The following PTPRT variants were observed in gnomAD, a reference collection of about 807,000 sequenced individuals.
The protein encoded by PTPRT is receptor-type tyrosine-protein phosphatase T.
PTPRT carries 56 observed loss-of-function variants against 176.8 expected under a neutral mutation model. The observed-to-expected ratio is 0.32, with a 90% CI of 0.26 to 0.40. The LOEUF (loss-of-function observed/expected upper bound fraction) is 0.40. PTPRT is among the 10% of genes least tolerant of loss of function. The pLI is 1.00. For missense variants in PTPRT, 1,540 were observed against 1,908.2 expected, an observed-to-expected ratio of 0.81 and a Z score of 3.60; for synonymous variants, 783 against 739.0, an observed-to-expected ratio of 1.06 and a Z score of -0.96.
intron 15 of PTPRT, among the ~76,000 whole-genome samples, chr20:42,200,077 C>T (rs1159864409): frequency 6.6e-6 from 1 of 151,912 alleles, no homozygotes; most frequent in African/African-American, 2.4e-5. Context: ...CACACACACA[C>T]ACACAGAGGC....
At chr20:42,436,141 C>T (rs2059260240) in intron 9 of PTPRT, among the ~76,000 whole-genome samples, 1 of 152,118 alleles carries the variant, frequency 6.6e-6, no homozygotes. Context: ...CAAAACTATG[C>T]AACTTTTAGC....
At chr20:42,990,043 C>CA (rs1037698058) in intron 1 of PTPRT, among the ~76,000 whole-genome samples, 2 of 151,998 alleles carry the variant, frequency 1.3e-5, no homozygotes, top group Non-Finnish European at 2.9e-5. Flanking sequence ...TAGAAACAAA[C>CA]AAAAAAATGT....
At chr20:42,470,041 A>G (rs915470290) in intron 8 of PTPRT, among the ~76,000 whole-genome samples, 1 of 152,192 alleles carries the variant, frequency 6.6e-6, no homozygotes, top group African/African-American at 2.4e-5. Context: ...AAAATGAAAA[A>G]AAGAAAACAT....
At chr20:42,170,795 C>T (rs768787706) in intron 16 of PTPRT, among the ~76,000 whole-genome samples, 2 of 152,156 alleles carry the variant, frequency 1.3e-5, no homozygotes, top group Non-Finnish European at 2.9e-5. Context: ...AACAGAAGCA[C>T]ATTATGTGTC....
At chr20:42,251,722 AAC>A (rs1229757056) in intron 13 of PTPRT, among the ~76,000 whole-genome samples, 4 of 151,074 alleles carry the variant, frequency 2.6e-5, no homozygotes, top group Non-Finnish European at 1.5e-5. Flanking sequence ...GTACTTAAAA[AAC>A]AAAAAAAAGA....
intron 17 of PTPRT, among the ~76,000 whole-genome samples, chr20:42,155,238 G>T (rs56994977): frequency 0.14 from 21,058 of 152,200 alleles, 3,760 homozygotes; most frequent in African/African-American, 0.42. Context: ...ACTCTAATGC[G>T]CAACCCAAAT....
chr20:42,279,683 G>A (rs568943483), intron 13 of PTPRT, among the ~76,000 whole-genome samples: 10 of 152,326 alleles, frequency 6.6e-5, no homozygotes, highest in African/African-American at 2.4e-4. Flanking sequence ...GAAAGGGTTG[G>A]AGACACATGC....
At chr20:42,319,331 A>ATT (rs928357412) in intron 11 of PTPRT, among the ~76,000 whole-genome samples, 2 of 145,556 alleles carry the variant, frequency 1.4e-5, no homozygotes, top group African/African-American at 2.6e-5. Flanking sequence ...GCTTCCAAGC[A>ATT]TTTTTTTTTA....
intron 6 of PTPRT, among the ~76,000 whole-genome samples, chr20:42,686,573 T>C (rs888954833): frequency 1.4e-5 from 2 of 140,294 alleles, no homozygotes; most frequent in African/African-American, 5.2e-5. Flanking sequence ...AGCCTCCGCC[T>C]CCCGGGTTCA....
chr20:42,724,572 A>G (rs2076350184), intron 6 of PTPRT, among the ~76,000 whole-genome samples: 1 of 152,112 alleles, frequency 6.6e-6, no homozygotes, highest in Non-Finnish European at 1.5e-5. Context: ...GCTCCCTGCT[A>G]TTGTTTGTCC....
intron 7 of PTPRT, among the ~76,000 whole-genome samples, chr20:42,651,547 T>A (rs1056536582): frequency 1.3e-5 from 2 of 152,198 alleles, no homozygotes; most frequent in Non-Finnish European, 2.9e-5. Flanking sequence ...GGAATCCACT[T>A]GCTGTGATTA....
intron 1 of PTPRT, among the ~76,000 whole-genome samples, chr20:43,174,693 C>A (rs766709014): frequency 2.0e-5 from 3 of 152,162 alleles, no homozygotes; most frequent in Non-Finnish European, 4.4e-5. Flanking sequence ...AAAATCCCTG[C>A]TGTCATATTC....
chr20:42,512,460 T>C (rs1459052813), intron 7 of PTPRT, among the ~76,000 whole-genome samples: 1 of 152,216 alleles, frequency 6.6e-6, no homozygotes, highest in Non-Finnish European at 1.5e-5. Flanking sequence ...TGTGTATTAA[T>C]AGCTTGTCCC....
At chr20:42,437,969 A>C (rs2059277423) in intron 9 of PTPRT, among the ~76,000 whole-genome samples, 1 of 152,228 alleles carries the variant, frequency 6.6e-6, no homozygotes, top group South Asian at 2.1e-4. Context: ...CGAGATGAAA[A>C]GAGAACAACT....
At chr20:43,053,450 CCATCCACCAT>C (rs902690797) in intron 1 of PTPRT, among the ~76,000 whole-genome samples, 2 of 152,172 alleles carry the variant, frequency 1.3e-5, no homozygotes, top group African/African-American at 4.8e-5. Context: ...AGTGGCAGCT[CCATCCACCAT>C]CATCCACTGA....
chr20:42,885,706 C>A, intron 2 of PTPRT, 101 bp downstream of exon 2: 1 of 1,438,596 alleles, frequency 7.0e-7, no homozygotes, highest in Non-Finnish European at 9.4e-7. Context: ...CTATCGATTG[C>A]CATCTCAGAG....
intron 7 of PTPRT, among the ~76,000 whole-genome samples, chr20:42,480,939 C>A (rs1388296450): frequency 6.6e-6 from 1 of 152,080 alleles, no homozygotes; most frequent in Non-Finnish European, 1.5e-5. Context: ...TTCATAAAGT[C>A]CCAGCAATAG....
At chr20:42,484,392 A>G (rs1331671248) in intron 7 of PTPRT, among the ~76,000 whole-genome samples, 1 of 152,222 alleles carries the variant, frequency 6.6e-6, no homozygotes, top group Non-Finnish European at 1.5e-5. Flanking sequence ...AAAAGGATGC[A>G]TGTATCTGTT....
chr20:43,090,330 C>G (rs547216201), intron 1 of PTPRT, among the ~76,000 whole-genome samples: 2 of 149,728 alleles, frequency 1.3e-5, no homozygotes, highest in Non-Finnish European at 3.0e-5. Flanking sequence ...TGCAGTGGCG[C>G]CATCTCAGCT....
Sources: allele counts gnomAD v4.1 joint callset (sites outside exome capture counted in the v4.1 genomes callset), GRCh38; gene constraint gnomAD v4.1.1; transcripts MANE v1.5; gene names NCBI Gene and HGNC (gene_info 2026-07-23, HGNC 2026-07-21).